MLC1: variants seen among roughly 807,000 people sequenced by gnomAD.
MLC1 encodes modulator of VRAC current 1.
Under a neutral mutation model 44.7 loss-of-function variants are expected in MLC1, and 32 were observed. The ratio of observed to expected loss-of-function variants is 0.72; its 90% CI spans 0.54 to 0.96. The LOEUF is 0.96. Ranked by LOEUF, MLC1 falls within the 40% of genes least tolerant of loss-of-function variation. The pLI is 0.00. For synonymous variants in MLC1, 190 were observed against 213.0 expected, an observed-to-expected ratio of 0.89 and a Z score of 0.94; for missense variants, 459 against 492.2, an observed-to-expected ratio of 0.93 and a Z score of 0.64.
chr22:50,062,133 C>T lies in MLC1; in HGVS notation c.1060-476G>A, dbSNP rs2061574754. On this transcript the variant is annotated intron_variant, in intron 11 of 11. Coordinates refer to ENST00000311597, the MANE Select transcript of MLC1 (RefSeq NM_015166.4). Reference sequence around the variant, plus strand: ...GAGCCCCAGTTGTCCACCCTGAGCCCCAGCCACCCACCCTGAGCCCCTGGG... The same window carrying T: ...GAGCCCCAGTTGTCCACCCTGAGCCTCAGCCACCCACCCTGAGCCCCTGGG... Among the ~76,000 whole-genome samples the T allele has an allele frequency of 3.3e-5, 5 of 151,330 alleles. No homozygotes were observed. In the South Asian group the frequency reaches 8.4e-4, roughly 25 times the overall value.
At position 50,077,470 on chromosome 22, in the gene MLC1, CAGCAGGA is replaced by C. The variant is rs1057517090; in HGVS notation, c.449_455del (p.Leu150ArgfsTer9). 2 of 1,613,828 alleles carry C rather than the reference CAGCAGGA, an allele frequency of 1.2e-6. No individual in the cohort carries two copies. The highest frequency in any genetic ancestry group is 8.5e-7 in the Non-Finnish European group (1 of 1,180,030). ...TCACCGTGGCCGCCATGAGCAGCTC[CAGCAGGA>C]GCAGCAGGATGAGGTTGAAGTTGAT... is the stretch of plus-strand genomic sequence containing the variant. On this transcript the variant is annotated frameshift_variant, in exon 6 of 12. Transcript: ENST00000311597. LOFTEE classifies it high-confidence loss of function.
At chr22:50,081,042 A>AAAGAAAGAAAGAAAGAAAGAAAGG (rs1235050082) in intron 3 of MLC1, among the ~76,000 whole-genome samples, 6 of 139,058 alleles carry the variant, frequency 4.3e-5, no homozygotes, top group Admixed American at 7.0e-5. Flanking sequence ...AGAAAGAAAG[A>AAAGAAAGAAAGAAAGAAAGAAAGG]AAGAAAGAAA....
Position 50,068,641 on chromosome 22 carries a change from A to T in MLC1, c.772-86T>A, listed in dbSNP as rs777398498. On this transcript the variant is annotated intron_variant, in intron 9 of 11. Coordinates refer to ENST00000311597, the MANE Select transcript of MLC1 (RefSeq NM_015166.4). ...CGTGGCCAGGGCTGGGGGGGCGGGC[A>T]TGGCCGGGCACTCATGGGCATAGTC... The T allele has an allele frequency of 2.2e-6, 3 of 1,334,044 alleles. No individual in the cohort carries two copies. In the Admixed American group the frequency reaches 5.1e-5, roughly 23 times the overall value. The allele number at this position is 1,334,044 out of a possible 1,614,324, so 82.6% of individuals were successfully genotyped here. A position where few individuals can be genotyped will look rare whatever the true frequency, so the allele number is the denominator to read the frequency against.
In MLC1 at chr22:50,084,780, C is replaced by G; in HGVS notation, c.123G>C (p.Lys41Asn). 6.2e-7 allele frequency: 1 copy of G among 1,614,156 alleles called. No individual in the cohort carries two copies. Among genetic ancestry groups the G allele is most frequent in the Non-Finnish European group, 8.5e-7 (1 of 1,180,056 alleles). The change falls in exon 2 of 12, where the codon AAG becomes AAC. Residue 41 changes from lysine (K) to asparagine (N), a missense_variant. Lys to Asn is a moderately conservative substitution (Grantham distance 94). Transcript: ENST00000311597. ...DAKPSDLQLS[K>N]RLPPCFSHKT... The stretch of plus-strand genomic sequence containing the variant: ...TGTGGCTGAAGCAGGGGGGCAGTCT[C>G]TTCGACAGCTGCAGGTCGCTCGGCT...
At position 50,079,984 on chromosome 22, in the gene MLC1, AAAC is replaced by A; in HGVS notation, c.354_356del (p.Phe119del). 1 of 1,614,184 alleles carries A rather than the reference AAAC, an allele frequency of 6.2e-7. No homozygotes were observed. Among genetic ancestry groups the A allele is most frequent in the African/African-American group, 1.3e-5 (1 of 75,068 alleles). On this transcript the variant is annotated inframe_deletion, in exon 5 of 12. Coordinates refer to ENST00000311597, the MANE Select transcript of MLC1 (RefSeq NM_015166.4). ...AAATTAAACACGTAGTGGTCACAGC[AAAC>A]GTGGAAACAAACAATATCTGAAAGT...
chr22:50,061,384 A>G lies in MLC1; in HGVS notation c.*199T>C. The G allele has an allele frequency of 1.6e-6, 1 of 629,988 alleles. No homozygotes were observed. Among genetic ancestry groups the G allele is most frequent in the Non-Finnish European group, 2.9e-6 (1 of 350,334 alleles). The allele number at this position is 629,988 out of a possible 1,614,324, so 39.0% of individuals were successfully genotyped here. A position where few individuals can be genotyped will look rare whatever the true frequency, so the allele number is the denominator to read the frequency against. On this transcript the variant is annotated 3_prime_UTR_variant, in exon 12 of 12. Transcript: ENST00000311597. ...GAGCCACTCGGAGCTGACTGATCTC[A>G]CTGAGGCACAGACTAGCCAACATTG...
Position 50,070,531 on chromosome 22 carries a change from C to T in MLC1, c.767G>A (p.Cys256Tyr), listed in dbSNP as rs1421375275. Residue 256 changes from cysteine (C) to tyrosine (Y), a missense_variant, in exon 9 of 12, where the codon TGT becomes TAT. Cys to Tyr is a radical substitution (Grantham distance 194). Transcript: ENST00000311597. Reference protein sequence around the residue: ...SHVAAECPSKCLVEVLIAISS... With the variant: ...SHVAAECPSKYLVEVLIAISS... ...AGGGCTGAGGGGTTCACCCACCAGACACTTGCTGGGACACTCTGCTGCCAC... is the reference window on the plus strand; with the variant it reads ...AGGGCTGAGGGGTTCACCCACCAGATACTTGCTGGGACACTCTGCTGCCAC... 2 of 1,561,036 alleles carry T rather than the reference C, an allele frequency of 1.3e-6. No homozygotes were observed. The highest frequency in any genetic ancestry group is 1.4e-5 in the African/African-American group (1 of 73,804).
intron 7 of MLC1, 116 bp downstream of exon 7, chr22:50,076,725 T>C: frequency 4.8e-6 from 5 of 1,039,522 alleles, no homozygotes; most frequent in South Asian, 1.3e-5. Context: ...CACGCCGCCA[T>C]GCGGTGTAGA....
rs1182493827 is a variant in MLC1 at position 50,080,423 on chromosome 22, G to T, written c.268-26C>A. 4.9e-5 allele frequency: 78 copies of T among 1,590,212 alleles called. No individual in the cohort carries two copies. In the Admixed American group the frequency reaches 5.1e-4, roughly 10 times the overall value. ...CTGGAATGAAACCGGAATCCCATGAGCCTGCCGCTCACCTGAGCAACTGAG... is the reference window on the plus strand; with the variant it reads ...CTGGAATGAAACCGGAATCCCATGATCCTGCCGCTCACCTGAGCAACTGAG... On this transcript the variant is annotated intron_variant, in intron 3 of 11. Coordinates refer to ENST00000311597, the MANE Select transcript of MLC1 (RefSeq NM_015166.4).
In MLC1 at chr22:50,080,237, T is replaced by C. The variant is rs1276515068; in HGVS notation, c.321+107A>G. 1.4e-5 allele frequency: 20 copies of C among 1,409,218 alleles called. No individual in the cohort carries two copies. The East Asian group carries it at 5.0e-4, about 35-fold the overall frequency. The allele number at this position is 1,409,218 out of a possible 1,614,324, so 87.3% of individuals were successfully genotyped here. A position where few individuals can be genotyped will look rare whatever the true frequency, so the allele number is the denominator to read the frequency against. On this transcript the variant is annotated intron_variant, in intron 4 of 11. Transcript: ENST00000311597. ...GGGCAACCTCGGGGGCCCCTCTCGG[T>C]GCCACAACGTCTGTGCGTGGGCACA...
chr22:50,085,386 G>T lies in MLC1; in HGVS notation c.-91C>A, dbSNP rs1473639307. 1 of 210,194 alleles carries T rather than the reference G, an allele frequency of 4.8e-6. No individual in the cohort carries two copies. Among genetic ancestry groups the T allele is most frequent in the Non-Finnish European group, 9.5e-6 (1 of 105,590 alleles). 13.0% of individuals were successfully genotyped at this position (210,194 alleles called of 1,614,324 possible). A position where few individuals can be genotyped will look rare whatever the true frequency, so the allele number is the denominator to read the frequency against. Reference sequence around the variant, plus strand: ...CGCTGCTCTGCCGTTGGGAGCACTGGTCTCTGGGTGAGGGACTTCCAGCAA... The same window carrying T: ...CGCTGCTCTGCCGTTGGGAGCACTGTTCTCTGGGTGAGGGACTTCCAGCAA... On this transcript the variant is annotated 5_prime_UTR_variant, in exon 1 of 12. Coordinates refer to ENST00000311597, the MANE Select transcript of MLC1 (RefSeq NM_015166.4).
At position 50,059,711 on chromosome 22, in the gene MLC1, G is replaced by C. The variant is rs1008070155; in HGVS notation, c.*1872C>G. 6.6e-6 allele frequency: 1 copy of C among 152,468 alleles called. No homozygotes were observed. The highest frequency in any genetic ancestry group is 2.1e-4 in the South Asian group (1 of 4,830). The allele number at this position is 152,468 out of a possible 1,614,324, so 9.4% of individuals were successfully genotyped here. A position where few individuals can be genotyped will look rare whatever the true frequency, so the allele number is the denominator to read the frequency against. ...GCAGACAGGGTGGGGTCTGCATCCG[G>C]TACCAGTGACAGCAGCCTCTCCTCT... is the stretch of plus-strand genomic sequence containing the variant. On this transcript the variant is annotated 3_prime_UTR_variant, in exon 12 of 12. Transcript: ENST00000311597.
At chr22:50,076,410 C>T (rs2061981489) in intron 7 of MLC1, among the ~76,000 whole-genome samples, 1 of 152,078 alleles carries the variant, frequency 6.6e-6, no homozygotes, top group Non-Finnish European at 1.5e-5. Flanking sequence ...AAATAATTAG[C>T]CGGGCGTGGT....
chr22:50,062,696 G>A (rs541755282), intron 11 of MLC1, among the ~76,000 whole-genome samples: 20 of 152,372 alleles, frequency 1.3e-4, no homozygotes, highest in Admixed American at 7.8e-4. Flanking sequence ...AGCAGCGGCC[G>A]GTCCGCCCAG....
intron 7 of MLC1, 50 bp from the exon 8 acceptor site, chr22:50,074,382 A>C (rs1223372507): frequency 6.8e-7 from 1 of 1,464,060 alleles, no homozygotes; most frequent in East Asian, 2.3e-5. Context: ...AGACACCCCC[A>C]GATTCCCAGA....
In MLC1 at chr22:50,083,122, G is replaced by C. The variant is rs1259479522; in HGVS notation, c.229C>G (p.Pro77Ala). The C allele has an allele frequency of 1.9e-6, 3 of 1,614,122 alleles. 1 individual carries two copies. The Admixed American group carries it at 5.0e-5, about 27-fold the overall frequency. Residue 77 changes from proline to alanine, a missense_variant, in exon 3 of 12, where the codon CCG becomes GCG. By Grantham distance (27) the Pro-to-Ala change is conservative. Coordinates refer to ENST00000311597, the MANE Select transcript of MLC1 (RefSeq NM_015166.4). The surrounding 1 kb of genome is among the most constrained non-coding windows in gnomAD (Gnocchi z 4.6). ...GFSLYLGNVF[P>A]AEMDYLRCAA... ...CAGCGCAAGTAATCCATCTCAGCCG[G>C]GAACACGTTCCCCAGGTACAGCGAA...
chr22:50,070,336 A>T (rs1267778812), intron 9 of MLC1, among the ~76,000 whole-genome samples, 191 bp downstream of exon 9: 2 of 152,248 alleles, frequency 1.3e-5, no homozygotes, highest in Non-Finnish European at 2.9e-5. Context: ...CCTGTCCCTG[A>T]GAACAGTCCC....
intron 7 of MLC1, 71 bp downstream of exon 7, chr22:50,076,770 G>A: frequency 6.5e-7 from 1 of 1,532,412 alleles, no homozygotes; most frequent in Admixed American, 1.7e-5. Context: ...ATCGAAACGT[G>A]ACGTTTAATC....
chr22:50,066,615 G>A (rs909513557), intron 10 of MLC1, among the ~76,000 whole-genome samples: 15 of 151,628 alleles, frequency 9.9e-5, no homozygotes, highest in African/African-American at 3.6e-4. Context: ...AGCCAAGACT[G>A]TGCCACTGCA....
Sources: allele counts gnomAD v4.1 joint callset (sites outside exome capture counted in the v4.1 genomes callset), GRCh38; gene constraint gnomAD v4.1.1; non-coding constraint Gnocchi (gnomAD v3.1); transcripts MANE v1.5; gene names NCBI Gene and HGNC (gene_info 2026-07-23, HGNC 2026-07-21).